Variants in GPC6 observed in about 807,000 individuals in gnomAD.
The protein encoded by GPC6 is glypican 6, also known as glypican-6.
In GPC6, 14 loss-of-function variants were observed where a neutral mutation model predicts 55.2. The observed-to-expected ratio is 0.25, with a 90% CI of 0.17 to 0.40. The LOEUF is 0.40. Ranked by LOEUF, GPC6 falls within the 10% of genes least tolerant of loss-of-function variation. The pLI is 1.00. For synonymous variants in GPC6, 278 were observed against 259.6 expected (o/e 1.07, Z -0.68); for missense variants, 641 against 708.5 (o/e 0.90, Z 1.08).
intron 3 of GPC6, among the ~76,000 whole-genome samples, chr13:93,886,757 TTTG>T (rs1386437647): frequency 2.9e-4 from 43 of 148,666 alleles, no homozygotes; most frequent in Middle Eastern, 3.5e-3. Flanking sequence ...TCATTTTTTT[TTTG>T]TTTTTTTTTT....
At chr13:94,141,289 G>A (rs1028269361) in intron 4 of GPC6, among the ~76,000 whole-genome samples, 1 of 152,142 alleles carries the variant, frequency 6.6e-6, no homozygotes, top group Non-Finnish European at 1.5e-5. Flanking sequence ...AAGGAGGAAA[G>A]CTTTGTCTAG....
chr13:94,306,103 G>A lies in GPC6; in HGVS notation c.1132G>A (p.Gly378Ser). Residue 378 changes from glycine (G) to serine (S), a missense_variant, in exon 6 of 9, where the codon GGC (glycine) becomes AGC (serine). Physicochemically the swap from Gly to Ser is moderately conservative, Grantham distance 56 (BLOSUM62 0). Transcript: ENST00000377047. ...NPEERPTTAA[G>S]TSLDRLVTDI... ...TGAGGAAAGACCAACAACTGCTGCA[G>A]GCACAAGCTTGGACCGGCTGGTGAG... The A allele has an allele frequency of 6.2e-7, 1 of 1,614,192 alleles. No homozygotes were observed. Among genetic ancestry groups the A allele is most frequent in the Non-Finnish European group, 8.5e-7 (1 of 1,180,030 alleles).
chr13:93,559,438 C>T (rs1875646777), intron 2 of GPC6, among the ~76,000 whole-genome samples: 1 of 152,062 alleles, frequency 6.6e-6, no homozygotes, highest in South Asian at 2.1e-4. Context: ...CCGTGCTGGG[C>T]ACATGATTGA....
At chr13:93,855,013 A>ATGAACC (rs758076930) in intron 3 of GPC6, among the ~76,000 whole-genome samples, 2 of 151,606 alleles carry the variant, frequency 1.3e-5, no homozygotes, top group Non-Finnish European at 3.0e-5. Context: ...GTTATGACTG[A>ATGAACC]TGAACCTCAT....
intron 4 of GPC6, among the ~76,000 whole-genome samples, chr13:94,254,602 G>C (rs112648058): frequency 0.01 from 1,535 of 152,042 alleles, 33 homozygotes; most frequent in African/African-American, 0.034. Context: ...GATCACTTTA[G>C]AATGATTGGG....
intron 6 of GPC6, among the ~76,000 whole-genome samples, chr13:94,322,900 TG>T: frequency 6.6e-6 from 1 of 152,102 alleles, no homozygotes; most frequent in Middle Eastern, 3.4e-3. Flanking sequence ...CTGGACCTGA[TG>T]GGCTAGTGAA....
intron 1 of GPC6, among the ~76,000 whole-genome samples, chr13:93,372,785 T>G (rs548816363): frequency 1.3e-5 from 2 of 152,286 alleles, no homozygotes; most frequent in South Asian, 4.1e-4. Context: ...ATACTGTTGT[T>G]GGTAAAGAAG....
chr13:94,028,150 A>C (rs1438784006), intron 4 of GPC6, among the ~76,000 whole-genome samples: 2 of 152,092 alleles, frequency 1.3e-5, no homozygotes, highest in African/African-American at 4.8e-5. Flanking sequence ...CTATGGTCCC[A>C]GCTGTTTAGG....
chr13:94,275,833 A>G (rs977782211), intron 4 of GPC6, among the ~76,000 whole-genome samples: 1 of 152,206 alleles, frequency 6.6e-6, no homozygotes, highest in African/African-American at 2.4e-5. Flanking sequence ...AAGATGTCCA[A>G]CCTTCCCTAT....
At chr13:93,544,574 A>G (rs1015528767) in intron 1 of GPC6, among the ~76,000 whole-genome samples, 2 of 152,232 alleles carry the variant, frequency 1.3e-5, no homozygotes, top group Admixed American at 6.5e-5. Context: ...TTCTACTTGC[A>G]AATAGCACTA....
chr13:94,072,667 A>G (rs1240618857), intron 4 of GPC6, among the ~76,000 whole-genome samples: 1 of 152,188 alleles, frequency 6.6e-6, no homozygotes, highest in East Asian at 1.9e-4. Context: ...TTGTATATAG[A>G]CTTATTCTCT....
intron 4 of GPC6, among the ~76,000 whole-genome samples, chr13:94,236,801 A>C (rs1443848150): frequency 6.6e-6 from 1 of 152,044 alleles, no homozygotes; most frequent in Non-Finnish European, 1.5e-5. Context: ...AGGTAGAAAA[A>C]GTGAGGCAGA....
chr13:94,018,819 A>G (rs1350166512), intron 3 of GPC6, among the ~76,000 whole-genome samples: 3 of 152,140 alleles, frequency 2.0e-5, no homozygotes, highest in African/African-American at 4.8e-5. Flanking sequence ...ATAGATTCTT[A>G]TAGGAGTGTG....
At chr13:94,063,474 A>T (rs1429678759) in intron 4 of GPC6, among the ~76,000 whole-genome samples, 2 of 152,186 alleles carry the variant, frequency 1.3e-5, no homozygotes, top group African/African-American at 2.4e-5. Context: ...AATTTTTTTT[A>T]AATCTGATTA....
rs547927436 is a variant in GPC6 at position 93,935,636 on chromosome 13, G to T, written c.712-92093G>T. ...TATTATAAAGTTTAAAATTACATACGCAATTCACATTATATTTCTGTTGGA... is the reference window on the plus strand; with the variant it reads ...TATTATAAAGTTTAAAATTACATACTCAATTCACATTATATTTCTGTTGGA... On this transcript the variant is annotated intron_variant, in intron 3 of 8. Transcript: ENST00000377047. Among the ~76,000 whole-genome samples the T allele has an allele frequency of 2.6e-5, 4 of 151,950 alleles. 1 individual carries two copies. In the South Asian group the frequency reaches 6.2e-4, roughly 24 times the overall value.
intron 4 of GPC6, among the ~76,000 whole-genome samples, chr13:94,125,912 T>C (rs1886790752): frequency 6.6e-6 from 1 of 152,200 alleles, no homozygotes; most frequent in African/African-American, 2.4e-5. Flanking sequence ...AAACCATTTC[T>C]GTGCAATATT....
At chr13:93,613,872 T>A (rs2139544889) in intron 2 of GPC6, among the ~76,000 whole-genome samples, 1 of 152,176 alleles carries the variant, frequency 6.6e-6, no homozygotes, top group East Asian at 1.9e-4. Flanking sequence ...TGGGCTTTGT[T>A]CCTTAGTCTA....
intron 1 of GPC6, among the ~76,000 whole-genome samples, chr13:93,259,207 C>T (rs1335836827): frequency 3.3e-5 from 5 of 152,060 alleles, no homozygotes; most frequent in Admixed American, 6.6e-5. Flanking sequence ...CACTTAAAGG[C>T]GAACCCATGC....
At position 93,635,911 on chromosome 13, in the gene GPC6, G is replaced by A. The variant is rs1042370299; in HGVS notation, c.319+90490G>A. Among the ~76,000 whole-genome samples the A allele has an allele frequency of 3.9e-5, 6 of 152,066 alleles. No homozygotes were observed. In the East Asian group the frequency reaches 5.8e-4, roughly 15 times the overall value. ...AGAAAGAGGTTGCCCTTTCTCCAGC[G>A]CTCTGTGCTCCCATTCCCCTACATT... is the stretch of plus-strand genomic sequence containing the variant. On this transcript the variant is annotated intron_variant, in intron 2 of 8. Coordinates refer to ENST00000377047, the MANE Select transcript of GPC6 (RefSeq NM_005708.5).
Sources: gnomAD v4.1 joint callset for allele counts (sites outside exome capture counted in the v4.1 genomes callset) on GRCh38, gnomAD v4.1.1 for gene constraint, MANE v1.5 for transcripts, NCBI Gene and HGNC (gene_info 2026-07-23, HGNC 2026-07-21) for gene names.